ADCYAP1R1: variants seen among roughly 807,000 people sequenced by gnomAD.
ADCYAP1R1 encodes ADCYAP receptor type I.
In ADCYAP1R1, 44 loss-of-function variants were observed where a neutral mutation model predicts 67.6. The ratio of observed to expected loss-of-function variants is 0.65; its 90% CI spans 0.51 to 0.84. The LOEUF (loss-of-function observed/expected upper bound fraction) is 0.84, where lower values mean the gene tolerates loss of function less well. ADCYAP1R1 is among the 40% of genes least tolerant of loss of function. The pLI, the probability that ADCYAP1R1 is intolerant of heterozygous loss-of-function variation, is 0.00. For synonymous variants in ADCYAP1R1, 222 were observed against 219.6 expected, an observed-to-expected ratio of 1.01 and a Z score of -0.10; for missense variants, 477 against 587.9, an observed-to-expected ratio of 0.81 and a Z score of 1.95.
At chr7:31,093,529 A>G (rs1477509406) in intron 13 of ADCYAP1R1, among the ~76,000 whole-genome samples, 1 of 152,050 alleles carries the variant, frequency 6.6e-6, no homozygotes, top group Non-Finnish European at 1.5e-5. Context: ...GAATGGGAGC[A>G]TGACCAGCTG....
chr7:31,103,643 C>A (rs557218466), intron 14 of ADCYAP1R1, among the ~76,000 whole-genome samples: 1 of 152,196 alleles, frequency 6.6e-6, no homozygotes, highest in Non-Finnish European at 1.5e-5. Context: ...GCCTGGGGTG[C>A]AGGGTGGAGT....
chr7:31,058,069 A>G lies in ADCYAP1R1; in HGVS notation c.-71-5125A>G, dbSNP rs144642734. Among the ~76,000 whole-genome samples, 806 of 152,300 alleles carry G rather than the reference A, an allele frequency of 5.3e-3. 4 individuals are homozygous for G. The highest frequency in any genetic ancestry group is 8.5e-3 in the Non-Finnish European group (580 of 68,018). ...TGTGGGCTTATGTGAGGCAGAGGAA[A>G]CTGTGCTGCTCTGGGCTGGTTGGGA... On this transcript the variant is annotated intron_variant, in intron 1 of 15. Transcript: ENST00000304166.
chr7:31,075,092 C>T (rs1048135148), intron 3 of ADCYAP1R1, among the ~76,000 whole-genome samples: 3 of 152,218 alleles, frequency 2.0e-5, no homozygotes, highest in Admixed American at 2.0e-4. Context: ...CTCCTCTTCC[C>T]AGCACCTTCC....
At chr7:31,083,455 A>G (rs1795598212) in intron 6 of ADCYAP1R1, among the ~76,000 whole-genome samples, 2 of 152,356 alleles carry the variant, frequency 1.3e-5, no homozygotes, top group African/African-American at 2.4e-5. Flanking sequence ...GTCAACCAAA[A>G]GCAAATTAAA....
intron 1 of ADCYAP1R1, among the ~76,000 whole-genome samples, chr7:31,062,733 C>CA (rs1171661028): frequency 6.6e-6 from 1 of 152,224 alleles, no homozygotes; most frequent in African/African-American, 2.4e-5. Context: ...ACAGAGGGTG[C>CA]AGATGGGACC....
rs1355017693 is a variant in ADCYAP1R1 at position 31,086,653 on chromosome 7, G to A, written c.823+116G>A. The A allele has an allele frequency of 4.0e-6, 5 of 1,239,596 alleles. No homozygotes were observed. In the African/African-American group the frequency reaches 4.5e-5, roughly 11 times the overall value. The allele number at this position is 1,239,596 out of a possible 1,614,324, so 76.8% of individuals were successfully genotyped here. On this transcript the variant is annotated intron_variant, in intron 10 of 15. Coordinates refer to ENST00000304166, the MANE Select transcript of ADCYAP1R1 (RefSeq NM_001118.5). The surrounding 1 kb of genome is among the most constrained non-coding windows in gnomAD (Gnocchi z 5.0). ...GTGAGGAGGGGCCACTGCCCTGCCC[G>A]AGTCTAATGGCCTAGGCTCTGTCTT...
intron 13 of ADCYAP1R1, among the ~76,000 whole-genome samples, chr7:31,097,823 GT>G (rs1388968308): frequency 2.0e-5 from 3 of 151,330 alleles, no homozygotes; most frequent in African/African-American, 7.3e-5. Context: ...TTGGGGGGGG[GT>G]CTCCTGGACC....
intron 1 of ADCYAP1R1, among the ~76,000 whole-genome samples, chr7:31,055,467 C>T (rs1309723858): frequency 6.6e-6 from 1 of 152,200 alleles, no homozygotes; most frequent in Non-Finnish European, 1.5e-5. Flanking sequence ...CTTAATTCCA[C>T]TGTGTAGCCT....
chr7:31,083,400 A>G (rs1008377826), intron 6 of ADCYAP1R1, among the ~76,000 whole-genome samples: 5 of 152,256 alleles, frequency 3.3e-5, no homozygotes, highest in Admixed American at 2.6e-4. Context: ...TTTAATGGCC[A>G]TGACTGATCC....
In ADCYAP1R1 at chr7:31,052,451, G is replaced by GCGT. The variant is rs1258304353; in HGVS notation, c.-297_-296insTCG. 3 of 149,754 alleles carry GCGT rather than the reference G, an allele frequency of 2.0e-5. No individual in the cohort carries two copies. Among genetic ancestry groups the GCGT allele is most frequent in the Non-Finnish European group, 4.5e-5 (3 of 67,272 alleles). 9.3% of individuals were successfully genotyped at this position (149,754 alleles called of 1,614,324 possible). On this transcript the variant is annotated 5_prime_UTR_variant, in exon 1 of 16. Coordinates refer to ENST00000304166, the MANE Select transcript of ADCYAP1R1 (RefSeq NM_001118.5). ...CGGGCAGGGAGTGACGGCGGCGGCG[G>GCGT]CGGCTCCGGGCGAGCGTGGTCCCCG... is the stretch of plus-strand genomic sequence containing the variant.
intron 3 of ADCYAP1R1, among the ~76,000 whole-genome samples, chr7:31,065,392 A>G (rs1435189755): frequency 1.3e-5 from 2 of 152,188 alleles, no homozygotes; most frequent in African/African-American, 4.8e-5. Flanking sequence ...CAGCAGCAGG[A>G]ACTTCAGTCT....
chr7:31,079,689 G>A (rs1331393860), intron 4 of ADCYAP1R1, among the ~76,000 whole-genome samples: 18 of 152,182 alleles, frequency 1.2e-4, no homozygotes, highest in African/African-American at 4.1e-4. Context: ...AGGTCCCCCC[G>A]TCTCTGGCTC....
intron 14 of ADCYAP1R1, among the ~76,000 whole-genome samples, chr7:31,103,818 G>A (rs1796533213): frequency 6.6e-6 from 1 of 152,210 alleles, no homozygotes; most frequent in Non-Finnish European, 1.5e-5. Context: ...TGAGTGGGGG[G>A]ATGAGAGGGT....
At chr7:31,100,932 G>A (rs2267742) in intron 13 of ADCYAP1R1, among the ~76,000 whole-genome samples, 34,913 of 152,140 alleles carry the variant, frequency 0.23, 8,066 homozygotes, top group African/African-American at 0.6. Flanking sequence ...TTGGTATTTT[G>A]GGACTCTTCT....
At chr7:31,053,205 G>A (rs188209572) in intron 1 of ADCYAP1R1, among the ~76,000 whole-genome samples, 58 of 152,336 alleles carry the variant, frequency 3.8e-4, no homozygotes, top group African/African-American at 1.3e-3. Context: ...TGGGGTAGGG[G>A]CCAGTGTAGA....
chr7:31,102,200 G>A lies in ADCYAP1R1; in HGVS notation c.1047-1037G>A, dbSNP rs759242410. Reference sequence around the variant, plus strand: ...ATCAAACGACTGCCTCATGCCTGCTGTCCACCCCGGGGGACTTAGCTGTGC... The same window carrying A: ...ATCAAACGACTGCCTCATGCCTGCTATCCACCCCGGGGGACTTAGCTGTGC... On this transcript the variant is annotated intron_variant, in intron 13 of 15. Transcript: ENST00000304166. The surrounding 1 kb of genome is among the most constrained non-coding windows in gnomAD (Gnocchi z 4.3). 6.6e-6 allele frequency among the ~76,000 whole-genome samples: 1 copy of A among 152,248 alleles called. No homozygotes were observed. The highest frequency in any genetic ancestry group is 1.9e-4 in the East Asian group (1 of 5,180).
intron 13 of ADCYAP1R1, among the ~76,000 whole-genome samples, chr7:31,093,380 T>A (rs1454289450): frequency 6.6e-6 from 1 of 152,214 alleles, no homozygotes; most frequent in African/African-American, 2.4e-5. Flanking sequence ...TCCACTTCCA[T>A]GGCCACTTGA....
intron 13 of ADCYAP1R1, among the ~76,000 whole-genome samples, chr7:31,097,455 T>A (rs981280085): frequency 1.3e-5 from 2 of 152,208 alleles, no homozygotes; most frequent in African/African-American, 4.8e-5. Flanking sequence ...TGAGTCCTTT[T>A]GTGCAGAGCC....
At chr7:31,100,774 G>A (rs1796403742) in intron 13 of ADCYAP1R1, among the ~76,000 whole-genome samples, 1 of 152,186 alleles carries the variant, frequency 6.6e-6, no homozygotes, top group Non-Finnish European at 1.5e-5. Flanking sequence ...ACAGAGGGAG[G>A]ATTTGAACCC....
Sources: allele counts gnomAD v4.1 joint callset (sites outside exome capture counted in the v4.1 genomes callset), GRCh38; gene constraint gnomAD v4.1.1; non-coding constraint Gnocchi (gnomAD v3.1); transcripts MANE v1.5; gene names NCBI Gene and HGNC (gene_info 2026-07-23, HGNC 2026-07-21).